SCHIP1: variants seen among roughly 807,000 people sequenced by gnomAD.
SCHIP1 encodes the protein schwannomin interacting protein 1, also known as schwannomin-interacting protein 1.
Under a neutral mutation model 29.7 loss-of-function variants are expected in SCHIP1, and 8 were observed. The ratio of observed to expected loss-of-function variants is 0.27; its 90% confidence interval spans 0.16 to 0.49. The LOEUF (loss-of-function observed/expected upper bound fraction) is 0.49, where lower values mean the gene tolerates loss of function less well. SCHIP1 is among the 20% of genes least tolerant of loss of function. The pLI, the probability that SCHIP1 is intolerant of heterozygous loss-of-function variation, is 0.99. For missense variants in SCHIP1, 193 were observed against 294.6 expected, an observed-to-expected ratio of 0.66 and a Z score of 2.52; for synonymous variants, 76 against 94.9, an observed-to-expected ratio of 0.80 and a Z score of 1.16.
At chr3:159,793,925 T>C in the SCHIP1 span, among the ~76,000 whole-genome samples, 2 of 152,340 alleles carry the variant, frequency 1.3e-5, no homozygotes, top group South Asian at 2.1e-4. Flanking sequence ...CACTTCACTC[T>C]GACTTCTGCT....
intron 2 of SCHIP1, 78 bp downstream of exon 3, chr3:159,866,359 C>T: frequency 7.2e-7 from 1 of 1,383,334 alleles, no homozygotes; most frequent in South Asian, 1.4e-5. Flanking sequence ...AAAAAAAAGC[C>T]TTTAAATCTT....
chr3:159,688,431 G>T, the SCHIP1 span, among the ~76,000 whole-genome samples: 1 of 152,012 alleles, frequency 6.6e-6, no homozygotes, highest in Non-Finnish European at 1.5e-5. Context: ...ATCCTTTGCC[G>T]ACTTTTTGAT....
At chr3:159,600,584 C>A in the SCHIP1 span, among the ~76,000 whole-genome samples, 1 of 152,006 alleles carries the variant, frequency 6.6e-6, no homozygotes, top group Admixed American at 6.6e-5. Flanking sequence ...TCTCATATCC[C>A]CAATTTTTTG....
At chr3:159,845,467 A>G in intron 1 of SCHIP1, 1 of 143,700 alleles carries the variant, frequency 7.0e-6, no homozygotes, top group Non-Finnish European at 1.5e-5. Flanking sequence ...TGTAACCTCC[A>G]CCTCCCGGGT....
chr3:159,649,212 G>A, the SCHIP1 span, among the ~76,000 whole-genome samples: 10 of 152,156 alleles, frequency 6.6e-5, no homozygotes, highest in Admixed American at 4.6e-4. Flanking sequence ...CCCTGTGTGC[G>A]TTCACTCAGC....
chr3:159,665,459 C>G, the SCHIP1 span, among the ~76,000 whole-genome samples: 581 of 152,272 alleles, frequency 3.8e-3, 18 homozygotes, highest in Admixed American at 0.034. Context: ...TAGCAGCACT[C>G]AGACGAGCCC....
At chr3:159,650,833 T>C in the SCHIP1 span, among the ~76,000 whole-genome samples, 3 of 152,156 alleles carry the variant, frequency 2.0e-5, no homozygotes, top group African/African-American at 7.2e-5. Context: ...GTTAGGTATG[T>C]GAAAAATTTA....
chr3:159,785,655 G>A, the SCHIP1 span, among the ~76,000 whole-genome samples: 1 of 150,862 alleles, frequency 6.6e-6, no homozygotes, highest in Non-Finnish European at 1.5e-5. Context: ...AGATTCAAGT[G>A]TTGCAATAGA....
At chr3:159,581,589 G>A in the SCHIP1 span, among the ~76,000 whole-genome samples, 1 of 152,086 alleles carries the variant, frequency 6.6e-6, no homozygotes, top group East Asian at 1.9e-4. Context: ...TGATATCAGA[G>A]GACACCATGT....
the SCHIP1 span, among the ~76,000 whole-genome samples, chr3:159,501,834 G>A: frequency 1.3e-5 from 2 of 152,070 alleles, no homozygotes; most frequent in Non-Finnish European, 2.9e-5. Context: ...ATGATTATTT[G>A]GTTCTCATAC....
At chr3:159,748,334 G>T in the SCHIP1 span, among the ~76,000 whole-genome samples, 1 of 152,170 alleles carries the variant, frequency 6.6e-6, no homozygotes, top group Non-Finnish European at 1.5e-5. Flanking sequence ...GTTAGCAAGT[G>T]ATATTTATAT....
chr3:159,860,292 A>C (rs1321195568), intron 1 of SCHIP1, among the ~76,000 whole-genome samples: 1 of 152,200 alleles, frequency 6.6e-6, no homozygotes, highest in Non-Finnish European at 1.5e-5. Context: ...AAAGACAGAG[A>C]AAGAGCAGTC....
the SCHIP1 span, among the ~76,000 whole-genome samples, chr3:159,607,969 T>C: frequency 6.6e-6 from 1 of 152,046 alleles, no homozygotes; most frequent in Non-Finnish European, 1.5e-5. Flanking sequence ...CCTAGCACAA[T>C]TGAGATTCCA....
the SCHIP1 span, among the ~76,000 whole-genome samples, chr3:159,540,934 A>G: frequency 6.6e-6 from 1 of 152,110 alleles, no homozygotes; most frequent in Non-Finnish European, 1.5e-5. Context: ...AAAGAAAAAA[A>G]ATGTGTGTTC....
the SCHIP1 span, among the ~76,000 whole-genome samples, chr3:159,589,892 G>A: frequency 6.6e-6 from 1 of 152,142 alleles, no homozygotes; most frequent in Non-Finnish European, 1.5e-5. Flanking sequence ...ACAAGAGTCT[G>A]AGAAAGGAAG....
At chr3:159,599,335 T>C in the SCHIP1 span, among the ~76,000 whole-genome samples, 1 of 152,202 alleles carries the variant, frequency 6.6e-6, no homozygotes, top group Non-Finnish European at 1.5e-5. Context: ...TGGTGATTTC[T>C]GAGATTTTGG....
At chr3:159,505,506 G>A in the SCHIP1 span, among the ~76,000 whole-genome samples, 76 of 152,256 alleles carry the variant, frequency 5.0e-4, no homozygotes, top group South Asian at 0.016. Flanking sequence ...AAGTTCTAGG[G>A]TACACGTGCA....
chr3:159,311,556 A>C, the SCHIP1 span, among the ~76,000 whole-genome samples: 2 of 152,134 alleles, frequency 1.3e-5, no homozygotes. Context: ...AATCAAATGC[A>C]ACACTCAATA....
At chr3:159,363,082 C>A in the SCHIP1 span, among the ~76,000 whole-genome samples, 3 of 152,158 alleles carry the variant, frequency 2.0e-5, no homozygotes, top group Non-Finnish European at 2.9e-5. Flanking sequence ...CCTTTGAAAA[C>A]AAATGTATAC....
Sources: gnomAD v4.1 joint callset for allele counts (sites outside exome capture counted in the v4.1 genomes callset) on GRCh38, gnomAD v4.1.1 for gene constraint, MANE v1.5 for transcripts, NCBI Gene and HGNC (gene_info 2026-07-23, HGNC 2026-07-21) for gene names.